ST18: variants seen among roughly 807,000 people sequenced by gnomAD.
The protein encoded by ST18 is ST18 C2H2C-type zinc finger transcription factor.
In ST18, 50 loss-of-function variants were observed where a neutral mutation model predicts 110.0. The ratio of observed to expected loss-of-function variants is 0.45; its 90% CI spans 0.36 to 0.58. The LOEUF (loss-of-function observed/expected upper bound fraction) is 0.58. ST18 is among the 20% of genes least tolerant of loss of function. ST18 has a pLI of 0.00. For synonymous variants in ST18, 461 were observed against 452.4 expected, an observed-to-expected ratio of 1.02 and a Z score of -0.24; for missense variants, 1,306 against 1,280.1, an observed-to-expected ratio of 1.02 and a Z score of -0.31.
chr8:52,275,022 C>T (rs2095194836), intron 2 of ST18, among the ~76,000 whole-genome samples: 1 of 152,168 alleles, frequency 6.6e-6, no homozygotes, highest in African/African-American at 2.4e-5. Context: ...ATTTTTTAAA[C>T]TGAGAATGTT....
intron 2 of ST18, among the ~76,000 whole-genome samples, chr8:52,267,692 C>T (rs932125258): frequency 6.6e-6 from 1 of 152,144 alleles, no homozygotes; most frequent in Non-Finnish European, 1.5e-5. Flanking sequence ...AAGTGTTATA[C>T]GTTTCCTTTG....
chr8:52,378,751 A>G (rs1314979833), intron 2 of ST18, among the ~76,000 whole-genome samples: 1 of 152,186 alleles, frequency 6.6e-6, no homozygotes, highest in Non-Finnish European at 1.5e-5. Context: ...ACTTTTAGAG[A>G]TAATAAAGAC....
rs2040900017 is a variant in ST18, at chr8:52,112,779, A to T, written c.*419T>A. 6.5e-6 allele frequency: 1 copy of T among 153,710 alleles called. No homozygotes were observed. The highest frequency in any genetic ancestry group is 2.4e-5 in the African/African-American group (1 of 41,464). The allele number at this position is 153,710 out of a possible 1,614,324, so 9.5% of individuals were successfully genotyped here. A position where few individuals can be genotyped will look rare whatever the true frequency, so the allele number is the denominator to read the frequency against. On this transcript the variant is annotated 3_prime_UTR_variant, in exon 26 of 26. Transcript: ENST00000689386. The stretch of plus-strand genomic sequence containing the variant: ...GCAAGAAAGATGACTTGAGAATAGC[A>T]TTTCTATTTAAATCCTATTGGAAAA...
intron 2 of ST18, among the ~76,000 whole-genome samples, chr8:52,373,151 G>C (rs1298408262): frequency 6.6e-6 from 1 of 152,146 alleles, no homozygotes; most frequent in African/African-American, 2.4e-5. Flanking sequence ...ATCCATATGA[G>C]AGTTTGTTTC....
chr8:52,383,895 G>A (rs755334270), intron 2 of ST18, among the ~76,000 whole-genome samples: 1 of 152,192 alleles, frequency 6.6e-6, no homozygotes, highest in Non-Finnish European at 1.5e-5. Flanking sequence ...CTATGAGCCT[G>A]CACCACCTCA....
chr8:52,214,042 T>G (rs1036807051), intron 7 of ST18, among the ~76,000 whole-genome samples, 161 bp downstream of exon 7: 1 of 152,170 alleles, frequency 6.6e-6, no homozygotes, highest in Admixed American at 6.5e-5. Context: ...TCATAATATT[T>G]TGCCTCTCCG....
chr8:52,306,004 A>T (rs1183427974), intron 2 of ST18, among the ~76,000 whole-genome samples: 3 of 151,746 alleles, frequency 2.0e-5, no homozygotes, highest in Admixed American at 2.0e-4. Flanking sequence ...GAGGCTGCAG[A>T]CCCAGTGGCT....
At chr8:52,181,445 G>A (rs1234441859) in intron 8 of ST18, among the ~76,000 whole-genome samples, 1 of 152,070 alleles carries the variant, frequency 6.6e-6, no homozygotes, top group Non-Finnish European at 1.5e-5. Flanking sequence ...ACTTCCAATG[G>A]GGGTAAAAGT....
chr8:52,197,782 G>C (rs940155984), intron 8 of ST18, among the ~76,000 whole-genome samples: 1 of 151,992 alleles, frequency 6.6e-6, no homozygotes, highest in African/African-American at 2.4e-5. Flanking sequence ...ATAGTCAAAA[G>C]CTAGCAGAAA....
intron 2 of ST18, among the ~76,000 whole-genome samples, chr8:52,338,561 C>T (rs544199419): frequency 6.7e-6 from 1 of 149,786 alleles, no homozygotes; most frequent in African/African-American, 2.5e-5. Context: ...GTAGCTGGGA[C>T]CACAGGCACA....
intron 8 of ST18, among the ~76,000 whole-genome samples, chr8:52,186,057 G>A (rs2072037320): frequency 6.6e-6 from 1 of 152,134 alleles, no homozygotes; most frequent in African/African-American, 2.4e-5. Context: ...GAAGAGCCAT[G>A]AGCCCCGCTT....
intron 8 of ST18, among the ~76,000 whole-genome samples, chr8:52,185,504 A>G (rs2071716476): frequency 6.6e-6 from 1 of 152,314 alleles, no homozygotes; most frequent in East Asian, 1.9e-4. Flanking sequence ...GAAGCCTTAC[A>G]ATGTTGAATG....
chr8:52,118,213 A>G (rs544570019), intron 24 of ST18, 125 bp downstream of exon 24: 5 of 604,082 alleles, frequency 8.3e-6, no homozygotes, highest in Admixed American at 3.4e-5. Context: ...TATGGAATCT[A>G]GAAACACTCA....
At chr8:52,253,745 C>T (rs1387697265) in intron 2 of ST18, among the ~76,000 whole-genome samples, 2 of 152,062 alleles carry the variant, frequency 1.3e-5, no homozygotes, top group Non-Finnish European at 2.9e-5. Context: ...TTTTTGCAAT[C>T]TCATAAATTA....
intron 15 of ST18, among the ~76,000 whole-genome samples, chr8:52,156,832 G>C (rs2060145634): frequency 6.6e-6 from 1 of 152,180 alleles, no homozygotes; most frequent in African/African-American, 2.4e-5. Flanking sequence ...TCCCATTTTA[G>C]CAACTACTAT....
At chr8:52,283,272 G>A (rs1380919417) in intron 2 of ST18, among the ~76,000 whole-genome samples, 1 of 152,212 alleles carries the variant, frequency 6.6e-6, no homozygotes, top group Admixed American at 6.5e-5. Flanking sequence ...CCATGATGGA[G>A]GTGACTGTCA....
chr8:52,381,625 T>C (rs920353634), intron 2 of ST18, among the ~76,000 whole-genome samples: 10 of 152,198 alleles, frequency 6.6e-5, no homozygotes, highest in African/African-American at 2.4e-4. Flanking sequence ...CTTGGAGTCG[T>C]CTCATAAGTA....
chr8:52,346,255 G>T (rs895142866), intron 2 of ST18, among the ~76,000 whole-genome samples: 3 of 150,964 alleles, frequency 2.0e-5, no homozygotes, highest in African/African-American at 7.3e-5. Flanking sequence ...ATATGGAATT[G>T]CCAAAATAAA....
chr8:52,220,811 G>A lies in ST18; in HGVS notation c.-227C>T, dbSNP rs2086349178. The A allele has an allele frequency of 6.6e-6, 1 of 152,100 alleles. No individual in the cohort carries two copies. The highest frequency in any genetic ancestry group is 2.4e-5 in the African/African-American group (1 of 41,418). 9.4% of individuals were successfully genotyped at this position (152,100 alleles called of 1,614,324 possible). ...GCTGTGTCAGGGGGACTAAATAAAT[G>A]ACTTTGTCTTATTTAGTGATAAATC... On this transcript the variant is annotated 5_prime_UTR_variant, in exon 5 of 26. Transcript: ENST00000689386.
Sources: gnomAD v4.1 joint callset for allele counts (sites outside exome capture counted in the v4.1 genomes callset) on GRCh38, gnomAD v4.1.1 for gene constraint, MANE v1.5 for transcripts, NCBI Gene and HGNC (gene_info 2026-07-23, HGNC 2026-07-21) for gene names.